DCTN5: variants seen among roughly 807,000 people sequenced by gnomAD.
DCTN5 encodes the protein dynactin subunit 5.
A neutral mutation model predicts 23.5 loss-of-function variants in DCTN5; 14 were observed. The observed-to-expected ratio is 0.60, with a 90% CI of 0.39 to 0.93. DCTN5 has a LOEUF of 0.93. DCTN5 is among the 40% of genes least tolerant of loss of function. The probability of loss-of-function intolerance (pLI) is 0.00; values close to 1 mark genes in which losing one functional copy is unlikely to be tolerated. For missense variants in DCTN5, 156 were observed against 225.9 expected, an observed-to-expected ratio of 0.69 and a Z score of 1.98; for synonymous variants, 67 against 79.6, an observed-to-expected ratio of 0.84 and a Z score of 0.84.
intron 4 of DCTN5, among the ~76,000 whole-genome samples, chr16:23,663,323 A>G (rs1379315803): frequency 6.6e-6 from 1 of 152,116 alleles, no homozygotes; most frequent in African/African-American, 2.4e-5. Context: ...AGGCTCCAAG[A>G]TGCTAACTTA....
intron 1 of DCTN5, 124 bp from the exon 2 acceptor site, chr16:23,642,831 C>A: frequency 3.9e-6 from 3 of 778,092 alleles, no homozygotes; most frequent in Non-Finnish European, 4.5e-6. Flanking sequence ...CCTGGACTCA[C>A]TCCATTGTGG....
Position 23,665,609 on chromosome 16 carries a change from C to T in DCTN5, c.349-17C>T, listed in dbSNP as rs766201486. On this transcript the variant is annotated splice_polypyrimidine_tract_variant and intron_variant, in intron 4 of 5. Coordinates refer to ENST00000300087, the MANE Select transcript of DCTN5 (RefSeq NM_032486.4). Reference sequence around the variant, plus strand: ...AGTAGACTGATCCATTTCCTATTAACAAGATTTTAATTTCAGGGGCGCCGA... The same window carrying T: ...AGTAGACTGATCCATTTCCTATTAATAAGATTTTAATTTCAGGGGCGCCGA... 6.2e-7 allele frequency: 1 copy of T among 1,607,172 alleles called. No homozygotes were observed.
intron 2 of DCTN5, among the ~76,000 whole-genome samples, chr16:23,657,778 ACT>A (rs2140982567): frequency 6.6e-6 from 1 of 152,222 alleles, no homozygotes; most frequent in African/African-American, 2.4e-5. Context: ...TATTTTATTG[ACT>A]CTATATCCTC....
intron 2 of DCTN5, 120 bp downstream of exon 2, chr16:23,643,143 C>T (rs1967338995): frequency 2.5e-6 from 2 of 797,410 alleles, no homozygotes; most frequent in Non-Finnish European, 4.0e-6. Flanking sequence ...TTTTAATTCT[C>T]TTGTTTTTAA....
chr16:23,644,758 A>G (rs1279328527), intron 2 of DCTN5, among the ~76,000 whole-genome samples: 1 of 151,046 alleles, frequency 6.6e-6, no homozygotes, highest in Non-Finnish European at 1.5e-5. Flanking sequence ...TCTTATGGTG[A>G]ACTATGTATA....
intron 2 of DCTN5, among the ~76,000 whole-genome samples, chr16:23,657,197 A>G (rs962110221): frequency 3.9e-5 from 6 of 152,174 alleles, no homozygotes; most frequent in Admixed American, 2.0e-4. Flanking sequence ...AATGCCTGCA[A>G]TCGCAGCACT....
At position 23,673,017 on chromosome 16, in the gene DCTN5, A is replaced by C. The variant is rs945131241; in HGVS notation, c.*5873A>C. ...GTGGCGGGTGCCTGTATTCCCAGCT[A>C]CTTGGGAGGCTGAGGCAGGAGAATG... is the stretch of plus-strand genomic sequence containing the variant. On this transcript the variant is annotated 3_prime_UTR_variant, in exon 6 of 6. Transcript: ENST00000300087. The C allele has an allele frequency of 6.6e-6, 1 of 151,828 alleles. No individual in the cohort carries two copies. Among genetic ancestry groups the C allele is most frequent in the African/African-American group, 2.4e-5 (1 of 41,358 alleles). The allele number at this position is 151,828 out of a possible 1,614,324, so 9.4% of individuals were successfully genotyped here.
intron 4 of DCTN5, among the ~76,000 whole-genome samples, chr16:23,664,593 C>G (rs1182619262): frequency 6.6e-6 from 1 of 152,170 alleles, no homozygotes; most frequent in Non-Finnish European, 1.5e-5. Context: ...CTTTCATTTC[C>G]TCAGCAAGGA....
chr16:23,667,073 T>C lies in DCTN5; in HGVS notation c.478T>C (p.Cys160Arg). ...ACTCTTCTCAGGGGAGCTCCCGGAG[T>C]GCACTCAGGAGCTGATGATTGACGT... ...PGLFSGELPE[C>R]TQELMIDVTK... Residue 160 changes from cysteine (C) to arginine (R), a missense_variant, in exon 6 of 6, where the codon TGC (cysteine) becomes CGC (arginine). Physicochemically the swap from Cys to Arg is radical, Grantham distance 180. Coordinates refer to ENST00000300087, the MANE Select transcript of DCTN5 (RefSeq NM_032486.4). 1 of 1,613,678 alleles carries C rather than the reference T, an allele frequency of 6.2e-7. No individual in the cohort carries two copies. The highest frequency in any genetic ancestry group is 8.5e-7 in the Non-Finnish European group (1 of 1,179,992).
intron 2 of DCTN5, among the ~76,000 whole-genome samples, chr16:23,644,252 A>G (rs1967373662): frequency 6.7e-6 from 1 of 149,508 alleles, no homozygotes. Context: ...CTCAGCCTCC[A>G]GAGTAGCTGG....
intron 5 of DCTN5, chr16:23,666,663 G>C (rs1399700733): frequency 3.2e-6 from 1 of 316,942 alleles, no homozygotes; most frequent in Non-Finnish European, 5.9e-6. Flanking sequence ...GACAGTATAT[G>C]ATACCTACCA....
chr16:23,645,982 T>C (rs1389124020), intron 2 of DCTN5, among the ~76,000 whole-genome samples: 1 of 152,214 alleles, frequency 6.6e-6, no homozygotes, highest in Non-Finnish European at 1.5e-5. Context: ...GGTGAGTCTA[T>C]GTTTAACTTT....
intron 2 of DCTN5, among the ~76,000 whole-genome samples, chr16:23,652,825 T>C (rs1967629891): frequency 6.6e-6 from 1 of 152,232 alleles, no homozygotes; most frequent in Admixed American, 6.5e-5. Flanking sequence ...GATAATTTAA[T>C]ACATTTATAA....
intron 4 of DCTN5, among the ~76,000 whole-genome samples, chr16:23,662,508 C>CT (rs1445143885): frequency 2.0e-5 from 3 of 152,162 alleles, no homozygotes; most frequent in African/African-American, 7.2e-5. Context: ...TAGATTTGTA[C>CT]TCCAGACTAG....
Position 23,673,244 on chromosome 16 carries a change from TTAATA to T in DCTN5, c.*6103_*6107del, listed in dbSNP as rs925060058. ...CATAAGAGAATTAGGAGGATTTTCT[TTAATA>T]TATCATTTTTTAAAAAAAAACTTGC... is the stretch of plus-strand genomic sequence containing the variant. On this transcript the variant is annotated 3_prime_UTR_variant, in exon 6 of 6. Coordinates refer to ENST00000300087, the MANE Select transcript of DCTN5 (RefSeq NM_032486.4). The T allele has an allele frequency of 6.6e-6, 1 of 152,194 alleles. No homozygotes were observed. The highest frequency in any genetic ancestry group is 1.5e-5 in the Non-Finnish European group (1 of 68,028). The allele number at this position is 152,194 out of a possible 1,614,324, so 9.4% of individuals were successfully genotyped here. A position where few individuals can be genotyped will look rare whatever the true frequency, so the allele number is the denominator to read the frequency against.
chr16:23,652,863 C>T lies in DCTN5; in HGVS notation c.118-5644C>T, dbSNP rs537798383. Among the ~76,000 whole-genome samples, 9 of 152,324 alleles carry T rather than the reference C, an allele frequency of 5.9e-5. No individual in the cohort carries two copies. The South Asian group carries it at 1.9e-3, about 32-fold the overall frequency. On this transcript the variant is annotated intron_variant, in intron 2 of 5. Coordinates refer to ENST00000300087, the MANE Select transcript of DCTN5 (RefSeq NM_032486.4). ...TTTATAAAGATAAGATTGGTTTTGG[C>T]TGGACGTGGTGGCCCACACCTGTAA...
intron 2 of DCTN5, chr16:23,657,632 TG>T: frequency 3.7e-6 from 1 of 267,422 alleles, no homozygotes; most frequent in Non-Finnish European, 7.6e-6. Context: ...TTAGTAGAGA[TG>T]GGGTTTCACC....
At chr16:23,641,738 T>C in intron 1 of DCTN5, 148 bp downstream of exon 1, 1 of 828,258 alleles carries the variant, frequency 1.2e-6, no homozygotes, top group Non-Finnish European at 1.9e-6. Context: ...GTGTACCGTC[T>C]GGCTTTGCTG....
intron 4 of DCTN5, among the ~76,000 whole-genome samples, chr16:23,664,294 G>T (rs1319525730): frequency 6.6e-6 from 1 of 152,200 alleles, no homozygotes; most frequent in Non-Finnish European, 1.5e-5. Context: ...TCAGCCACTT[G>T]GGAAATTCAG....
Sources: gnomAD v4.1 joint callset for allele counts (sites outside exome capture counted in the v4.1 genomes callset) on GRCh38, gnomAD v4.1.1 for gene constraint, MANE v1.5 for transcripts, NCBI Gene and HGNC (gene_info 2026-07-23, HGNC 2026-07-21) for gene names.